Variants in HIRA observed in about 807,000 individuals in gnomAD.
HIRA encodes the protein protein HIRA.
In HIRA, 13 loss-of-function variants were observed where a neutral mutation model predicts 126.6. The observed-to-expected ratio is 0.10, with a 90% confidence interval of 0.07 to 0.16. The LOEUF (loss-of-function observed/expected upper bound fraction) is 0.16. HIRA is among the 10% of genes least tolerant of loss of function. The probability of loss-of-function intolerance (pLI) is 1.00; values close to 1 mark genes in which losing one functional copy is unlikely to be tolerated. For missense variants in HIRA, 834 were observed against 1,314.4 expected (o/e 0.63, Z 5.65); for synonymous variants, 511 against 520.0 (o/e 0.98, Z 0.24).
intron 14 of HIRA, 125 bp from the exon 15 acceptor site, chr22:19,375,917 T>C (rs2053954754): frequency 9.9e-7 from 1 of 1,009,460 alleles, no homozygotes; most frequent in Non-Finnish European, 1.4e-6. Flanking sequence ...ACACAAAAAA[T>C]GTCAAGATAC....
intron 9 of HIRA, among the ~76,000 whole-genome samples, chr22:19,389,126 T>A (rs2089154118): frequency 6.6e-6 from 1 of 152,248 alleles, no homozygotes; most frequent in African/African-American, 2.4e-5. Context: ...TCTTCTATTT[T>A]GTGCAAATAT....
chr22:19,377,985 T>G lies in HIRA; in HGVS notation c.1497A>C (p.Pro499=), dbSNP rs749824842. 6.2e-7 allele frequency: 1 copy of G among 1,613,718 alleles called. No homozygotes were observed. Among genetic ancestry groups the G allele is most frequent in the African/African-American group, 1.3e-5 (1 of 74,986 alleles). The change falls in exon 14 of 25, where the codon CCA becomes CCC. Residue 499 remains proline (P), a synonymous_variant. Coordinates refer to ENST00000263208, the MANE Select transcript of HIRA (RefSeq NM_003325.4). ...TACTGGAGTCCAGTGGCAGTAGCTG[T>G]GGACTGCTATGAGAAGAGAGCATGG... ...AGTMLSSHSS[P]QLLPLDSSTP... is the part of the protein sequence containing the mutation.
rs140612032 is a variant in HIRA at position 19,349,488 on chromosome 22, C to T, written c.2937+1870G>A. The stretch of plus-strand genomic sequence containing the variant: ...GGAAGAAATAATCAAATAGGAAAAC[C>T]GAAGAAAATCACTGGTCTCTGTCTC... On this transcript the variant is annotated intron_variant, in intron 24 of 24. Transcript: ENST00000263208. Among the ~76,000 whole-genome samples the T allele has an allele frequency of 6.6e-3, 1,003 of 152,196 alleles. 15 individuals carry two copies. Among genetic ancestry groups the T allele is most frequent in the Non-Finnish European group, 9.6e-3 (656 of 68,006 alleles).
intron 9 of HIRA, among the ~76,000 whole-genome samples, chr22:19,391,480 T>C (rs1002697542): frequency 2.6e-4 from 38 of 145,858 alleles, no homozygotes; most frequent in African/African-American, 1.0e-3. Context: ...GATTTTTCTT[T>C]TTCTTTTTTT....
At chr22:19,398,668 T>C (rs541836138) in intron 5 of HIRA, among the ~76,000 whole-genome samples, 2 of 152,304 alleles carry the variant, frequency 1.3e-5, no homozygotes, top group South Asian at 2.1e-4. Flanking sequence ...TATCATTTGT[T>C]AAGTGCAGAT....
chr22:19,340,761 C>T (rs991016331), intron 24 of HIRA, among the ~76,000 whole-genome samples: 1 of 152,118 alleles, frequency 6.6e-6, no homozygotes, highest in African/African-American at 2.4e-5. Context: ...CCTCTTGTTA[C>T]AATAGCTGCA....
intron 8 of HIRA, among the ~76,000 whole-genome samples, chr22:19,393,652 G>A (rs926365524): frequency 9.2e-5 from 14 of 152,204 alleles, no homozygotes; most frequent in East Asian, 1.9e-4. Flanking sequence ...CACCGTGTCC[G>A]GCCGATACTT....
chr22:19,411,215 C>T (rs1336549948), intron 1 of HIRA, among the ~76,000 whole-genome samples: 1 of 152,248 alleles, frequency 6.6e-6, no homozygotes, highest in Non-Finnish European at 1.5e-5. Context: ...CATACTTCTG[C>T]TTCCAAACAG....
intron 9 of HIRA, among the ~76,000 whole-genome samples, chr22:19,391,542 C>T (rs57142678): frequency 0.084 from 12,376 of 148,014 alleles, 1,730 homozygotes; most frequent in African/African-American, 0.29. Flanking sequence ...AGTGCAGTGG[C>T]GCGGTCTCAG....
At chr22:19,405,666 G>A (rs2089302123) in intron 5 of HIRA, 120 bp downstream of exon 5, 1 of 873,012 alleles carries the variant, frequency 1.1e-6, no homozygotes, top group Non-Finnish European at 1.6e-6. Flanking sequence ...GTGATGGGGT[G>A]GGACAGCCCA....
At chr22:19,429,326 C>T (rs375700876) in intron 1 of HIRA, among the ~76,000 whole-genome samples, 2 of 151,792 alleles carry the variant, frequency 1.3e-5, no homozygotes, top group Admixed American at 6.6e-5. Context: ...TTAGTAGAGA[C>T]GGGGTTTCAC....
intron 15 of HIRA, among the ~76,000 whole-genome samples, chr22:19,371,563 C>T (rs1423425050): frequency 6.6e-6 from 1 of 152,180 alleles, no homozygotes; most frequent in Non-Finnish European, 1.5e-5. Flanking sequence ...ACCATCATCA[C>T]TATCTAATGC....
intron 9 of HIRA, among the ~76,000 whole-genome samples, chr22:19,390,625 A>AAAAAAAAAAAAAAAG (rs1569304503): frequency 1.3e-5 from 2 of 148,556 alleles, no homozygotes; most frequent in Non-Finnish European, 3.0e-5. Context: ...AAAAAAAAAA[A>AAAAAAAAAAAAAAAG]AAGAAGCTGA....
intron 24 of HIRA, among the ~76,000 whole-genome samples, chr22:19,347,099 C>T (rs2088695553): frequency 6.6e-6 from 1 of 152,182 alleles, no homozygotes; most frequent in Admixed American, 6.5e-5. Flanking sequence ...CACAACCTGC[C>T]CATGAGGGGG....
Position 19,377,856 on chromosome 22 carries a change from G to T in HIRA, c.1613+13C>A. 1.9e-6 allele frequency: 3 copies of T among 1,589,312 alleles called. No individual in the cohort carries two copies. Among genetic ancestry groups the T allele is most frequent in the Non-Finnish European group, 2.6e-6 (3 of 1,166,150 alleles). On this transcript the variant is annotated intron_variant, in intron 14 of 24. Transcript: ENST00000263208. ...TTCCCCAGGGACAGGAACAAGCCTT[G>T]GCACCCACTAACCTGTCTTTATTGA...
At chr22:19,353,884 C>A (rs1484902567) in intron 22 of HIRA, 112 bp downstream of exon 22, 35 of 1,353,180 alleles carry the variant, frequency 2.6e-5, no homozygotes, top group Non-Finnish European at 3.1e-5. Context: ...ACCTGGGGCA[C>A]AGGGGAAGGG....
intron 13 of HIRA, among the ~76,000 whole-genome samples, chr22:19,382,771 C>T (rs5748166): frequency 0.015 from 1,554 of 102,040 alleles, 40 homozygotes; most frequent in East Asian, 0.1. Context: ...ATTTTTCTTT[C>T]TTTTTTTTTT....
intron 15 of HIRA, among the ~76,000 whole-genome samples, chr22:19,374,729 G>C (rs1272467205): frequency 6.6e-6 from 1 of 152,138 alleles, no homozygotes; most frequent in Non-Finnish European, 1.5e-5. Context: ...CTTTCATTGG[G>C]CACCTGCTGG....
At chr22:19,371,279 C>T (rs2088962269) in intron 15 of HIRA, among the ~76,000 whole-genome samples, 1 of 152,206 alleles carries the variant, frequency 6.6e-6, no homozygotes, top group African/African-American at 2.4e-5. Context: ...TCTTCAGCTC[C>T]ACCTCCTCAC....
Sources: gnomAD v4.1 joint callset for allele counts (sites outside exome capture counted in the v4.1 genomes callset) on GRCh38, gnomAD v4.1.1 for gene constraint, MANE v1.5 for transcripts, NCBI Gene and HGNC (gene_info 2026-07-23, HGNC 2026-07-21) for gene names.